The following ZFYVE9 variants were observed in gnomAD, a reference collection of about 807,000 sequenced individuals.
ZFYVE9 encodes the protein zinc finger FYVE-type containing 9.
A neutral mutation model predicts 126.7 loss-of-function variants in ZFYVE9; 43 were observed. The observed-to-expected ratio is 0.34, with a 90% CI of 0.27 to 0.44. The LOEUF (loss-of-function observed/expected upper bound fraction) is 0.44, where lower values mean the gene tolerates loss of function less well. Ranked by LOEUF, ZFYVE9 falls within the 20% of genes least tolerant of loss-of-function variation. The pLI, the probability that ZFYVE9 is intolerant of heterozygous loss-of-function variation, is 1.00. For missense variants in ZFYVE9, 1,476 were observed against 1,697.0 expected (o/e 0.87, Z 2.29); for synonymous variants, 521 against 597.4 (o/e 0.87, Z 1.87).
chr1:52,178,076 G>A (rs963621232), intron 1 of ZFYVE9, among the ~76,000 whole-genome samples: 2 of 151,320 alleles, frequency 1.3e-5, no homozygotes, highest in South Asian at 2.1e-4. Flanking sequence ...TCAGGAGATC[G>A]AGACAATCCT....
At position 52,239,233 on chromosome 1, in the gene ZFYVE9, A is replaced by G. The variant is rs1172664924; in HGVS notation, c.1816A>G (p.Asn606Asp). The change falls in exon 4 of 19, where the codon AAC (asparagine) becomes GAC (aspartate). Residue 606 changes from asparagine (N) to aspartate (D), a missense_variant. Coordinates refer to ENST00000287727, the MANE Select transcript of ZFYVE9 (RefSeq NM_004799.4). ...CCATTTACAAAATGACTTTCCTGCA[A>G]ACAGTGGAAATAATACTAAAAATAA... The part of the protein sequence containing the change: ...SDHLQNDFPA[N>D]SGNNTKNKND... 1 of 1,614,138 alleles carries G rather than the reference A, an allele frequency of 6.2e-7. No individual in the cohort carries two copies. The highest frequency in any genetic ancestry group is 8.5e-7 in the Non-Finnish European group (1 of 1,179,990).
intron 4 of ZFYVE9, among the ~76,000 whole-genome samples, chr1:52,254,823 G>A (rs912595433): frequency 4.6e-5 from 7 of 151,980 alleles, no homozygotes; most frequent in African/African-American, 1.7e-4. Flanking sequence ...AAAAATGGCG[G>A]GATGTGGTGG....
At chr1:52,260,795 C>T (rs969207600) in intron 4 of ZFYVE9, among the ~76,000 whole-genome samples, 7 of 151,910 alleles carry the variant, frequency 4.6e-5, no homozygotes, top group African/African-American at 7.3e-5. Context: ...CCAGCCTGGG[C>T]GACAGAGCAA....
In ZFYVE9 at chr1:52,340,725, C is replaced by A. The variant is rs1009745228; in HGVS notation, c.3939+494C>A. 2.6e-5 allele frequency among the ~76,000 whole-genome samples: 4 copies of A among 151,640 alleles called. No individual in the cohort carries two copies. The East Asian group carries it at 7.8e-4, about 30-fold the overall frequency. On this transcript the variant is annotated intron_variant, in intron 17 of 18. Transcript: ENST00000287727. ...GACCAGCCTGGGTAACATGGTGAAA[C>A]CCCATACCCACTAAAAATACAAAAA...
intron 13 of ZFYVE9, among the ~76,000 whole-genome samples, chr1:52,324,364 C>T (rs1646271327): frequency 6.6e-6 from 1 of 152,160 alleles, no homozygotes; most frequent in Non-Finnish European, 1.5e-5. Flanking sequence ...TGGGGTCTAG[C>T]CTCTGGACAC....
chr1:52,288,808 C>T (rs538371970), intron 10 of ZFYVE9, among the ~76,000 whole-genome samples: 64 of 151,804 alleles, frequency 4.2e-4, no homozygotes, highest in South Asian at 1.0e-3. Flanking sequence ...CGCCTGTAGT[C>T]CCAACTACTT....
chr1:52,307,213 C>T (rs972699973), intron 13 of ZFYVE9, among the ~76,000 whole-genome samples: 11 of 152,084 alleles, frequency 7.2e-5, no homozygotes, highest in South Asian at 2.1e-4. Flanking sequence ...AAAGCTGAGG[C>T]GCTCATAGTT....
chr1:52,191,314 G>A (rs1304191875), intron 1 of ZFYVE9, among the ~76,000 whole-genome samples: 9 of 152,098 alleles, frequency 5.9e-5, no homozygotes, highest in Admixed American at 4.6e-4. Context: ...TTACAAATGA[G>A]GGAATTGAAA....
At chr1:52,287,236 C>G (rs1557501584) in intron 10 of ZFYVE9, among the ~76,000 whole-genome samples, 1 of 152,106 alleles carries the variant, frequency 6.6e-6, no homozygotes, top group Non-Finnish European at 1.5e-5. Flanking sequence ...AAGTAGCTCC[C>G]AAGTAACTGG....
At position 52,263,768 on chromosome 1, in the gene ZFYVE9, C is replaced by CCG. The variant is rs1553130232; in HGVS notation, c.2179-5_2179-4insCG. The CCG allele has an allele frequency of 1.7e-6, 2 of 1,203,954 alleles. No homozygotes were observed. Among genetic ancestry groups the CCG allele is most frequent in the Non-Finnish European group, 2.3e-6 (2 of 880,036 alleles). 74.6% of individuals were successfully genotyped at this position (1,203,954 alleles called of 1,614,324 possible). A position where few individuals can be genotyped will look rare whatever the true frequency, so the allele number is the denominator to read the frequency against. ...TGTGTGTTCTTCCCCCCCCCCCCCC[C>CCG]ACAGGTTTTCTGTGCTTCCTGCTGT... On this transcript the variant is annotated splice_polypyrimidine_tract_variant and splice_region_variant and intron_variant, in intron 4 of 18. Transcript: ENST00000287727.
At chr1:52,177,939 G>GTTTT (rs202136399) in intron 1 of ZFYVE9, among the ~76,000 whole-genome samples, 4 of 138,280 alleles carry the variant, frequency 2.9e-5, no homozygotes, top group South Asian at 2.4e-4. Flanking sequence ...ATGAAAAGTA[G>GTTTT]TTTTGTTTTT....
chr1:52,231,515 C>T (rs1645221056), intron 2 of ZFYVE9, among the ~76,000 whole-genome samples: 1 of 151,746 alleles, frequency 6.6e-6, no homozygotes, highest in South Asian at 2.1e-4. Context: ...GAGACTCCAT[C>T]TCCAAAAAAA....
rs190729553 is a variant in ZFYVE9, at chr1:52,159,034, C to T, written c.-143+16631C>T. Among the ~76,000 whole-genome samples, 57 of 152,226 alleles carry T rather than the reference C, an allele frequency of 3.7e-4. No individual in the cohort carries two copies. The East Asian group carries it at 8.9e-3, about 24-fold the overall frequency. ...GTCTCGATCTCCTGACCTCGTGATC[C>T]GCCCGCCTCGGCCTCCCAAACTGCT... On this transcript the variant is annotated intron_variant, in intron 1 of 18. Coordinates refer to ENST00000287727, the MANE Select transcript of ZFYVE9 (RefSeq NM_004799.4).
At chr1:52,195,072 G>T (rs1451868734) in intron 1 of ZFYVE9, among the ~76,000 whole-genome samples, 1 of 152,046 alleles carries the variant, frequency 6.6e-6, no homozygotes, top group Non-Finnish European at 1.5e-5. Context: ...CTCTCTCCCT[G>T]CTCTGTAGTG....
At chr1:52,148,237 G>A (rs1027422435) in intron 1 of ZFYVE9, among the ~76,000 whole-genome samples, 2 of 152,108 alleles carry the variant, frequency 1.3e-5, no homozygotes, top group Non-Finnish European at 2.9e-5. Context: ...CACTTTGGGA[G>A]GCTGAGGTGG....
At position 52,263,863 on chromosome 1, in the gene ZFYVE9, C is replaced by T. The variant is rs1257213244; in HGVS notation, c.2269C>T (p.Leu757=). 1 of 1,564,646 alleles carries T rather than the reference C, an allele frequency of 6.4e-7. No homozygotes were observed. Among genetic ancestry groups the T allele is most frequent in the Non-Finnish European group, 8.7e-7 (1 of 1,147,334 alleles). The change falls in exon 5 of 19, where the codon CTA becomes TTA. Residue 757 remains leucine (L), a synonymous_variant. Coordinates refer to ENST00000287727, the MANE Select transcript of ZFYVE9 (RefSeq NM_004799.4). ...ARVCVICHSV[L]MNAQAWENMM... ...AGTGTGTGTAATCTGCCATTCAGTG[C>T]TAATGAATGGTAAGTATTAAAACAG...
chr1:52,286,562 C>T (rs1413974467), intron 10 of ZFYVE9, among the ~76,000 whole-genome samples: 3 of 152,172 alleles, frequency 2.0e-5, no homozygotes, highest in Non-Finnish European at 2.9e-5. Context: ...ACAGTGCCAT[C>T]GGAGGTTGTA....
chr1:52,239,270 T>A lies in ZFYVE9; in HGVS notation c.1853T>A (p.Leu618His). 6.2e-7 allele frequency: 1 copy of A among 1,614,064 alleles called. No homozygotes were observed. Among genetic ancestry groups the A allele is most frequent in the East Asian group, 2.2e-5 (1 of 44,892 alleles). Reference sequence around the variant, plus strand: ...AATACTAAAAATAAAAATGATATTCTTGGGAAAGCAAAATTAGGGGAAAAC... The same window carrying A: ...AATACTAAAAATAAAAATGATATTCATGGGAAAGCAAAATTAGGGGAAAAC... ...GNNTKNKNDI[L>H]GKAKLGENSA... Residue 618 changes from leucine (L) to histidine (H), a missense_variant, in exon 4 of 19, where the codon CTT (leucine) becomes CAT (histidine). This residue lies in a region of ZFYVE9 where 807 missense variants were observed against 794.6 expected (regional missense o/e 1.02). Coordinates refer to ENST00000287727, the MANE Select transcript of ZFYVE9 (RefSeq NM_004799.4).
intron 12 of ZFYVE9, among the ~76,000 whole-genome samples, chr1:52,301,588 G>A (rs12069338): frequency 6.6e-6 from 1 of 152,082 alleles, no homozygotes; most frequent in Non-Finnish European, 1.5e-5. Context: ...ACATGCATGA[G>A]CCACTGTGCC....
Sources: gnomAD v4.1 joint callset for allele counts (sites outside exome capture counted in the v4.1 genomes callset) on GRCh38, gnomAD v4.1.1 for gene constraint, gnomAD v4.1.1 regional missense constraint, MANE v1.5 for transcripts, NCBI Gene and HGNC (gene_info 2026-07-23, HGNC 2026-07-21) for gene names.